SPOCK3: variants seen among roughly 807,000 people sequenced by gnomAD.
SPOCK3 encodes the protein testican-3.
In SPOCK3, 30 loss-of-function variants were observed where a neutral mutation model predicts 56.6. The ratio of observed to expected loss-of-function variants is 0.53; its 90% CI spans 0.40 to 0.72. The LOEUF is 0.72. Ranked by LOEUF, SPOCK3 falls within the 30% of genes least tolerant of loss-of-function variation. SPOCK3 has a pLI of 0.00. For synonymous variants in SPOCK3, 196 were observed against 183.3 expected (o/e 1.07, Z -0.56); for missense variants, 527 against 530.0 (o/e 0.99, Z 0.06).
Position 167,173,871 on chromosome 4 carries a change from T to C in SPOCK3, c.189+60114A>G, listed in dbSNP as rs190727319. Among the ~76,000 whole-genome samples, 291 of 152,272 alleles carry C rather than the reference T, an allele frequency of 1.9e-3. 1 individual carries two copies. The highest frequency in any genetic ancestry group is 6.1e-3 in the African/African-American group (253 of 41,566). ...CTGAAACAGAGAATCCCTGGATTCATAGGGCCCTATAGGCCTGAGGGTTTC... is the reference window on the plus strand; with the variant it reads ...CTGAAACAGAGAATCCCTGGATTCACAGGGCCCTATAGGCCTGAGGGTTTC... On this transcript the variant is annotated intron_variant, in intron 2 of 10. Coordinates refer to ENST00000357545, the MANE Select transcript of SPOCK3 (RefSeq NM_001040159.2).
chr4:166,963,499 C>CACCGTA (rs11281371), intron 4 of SPOCK3, among the ~76,000 whole-genome samples: 8,445 of 151,808 alleles, frequency 0.056, 757 homozygotes, highest in African/African-American at 0.19. Flanking sequence ...TTAGTGTTAG[C>CACCGTA]ACCGTAACAC....
At chr4:167,121,104 A>T (rs184798159) in intron 2 of SPOCK3, among the ~76,000 whole-genome samples, 2 of 151,700 alleles carry the variant, frequency 1.3e-5, no homozygotes, top group African/African-American at 2.4e-5. Flanking sequence ...TGTTTTTTTA[A>T]ATCTATTTAA....
At chr4:167,133,874 G>C (rs751602736) in intron 2 of SPOCK3, among the ~76,000 whole-genome samples, 13 of 152,072 alleles carry the variant, frequency 8.5e-5, no homozygotes, top group Non-Finnish European at 1.5e-4. Flanking sequence ...AATCACTTGA[G>C]AGTATTAGGC....
intron 6 of SPOCK3, among the ~76,000 whole-genome samples, chr4:166,813,780 TCAGA>T (rs1430763941): frequency 2.6e-5 from 4 of 151,992 alleles, no homozygotes; most frequent in South Asian, 2.1e-4. Context: ...ACTCATATTC[TCAGA>T]CAGAGAAGGT....
chr4:167,055,219 A>ATTT (rs1463990820), intron 3 of SPOCK3, among the ~76,000 whole-genome samples: 3 of 152,316 alleles, frequency 2.0e-5, no homozygotes, highest in Admixed American at 6.5e-5. Flanking sequence ...ATTCAGTGAA[A>ATTT]AATATGGTAA....
At chr4:167,066,866 C>G (rs1471487876) in intron 2 of SPOCK3, among the ~76,000 whole-genome samples, 1 of 151,832 alleles carries the variant, frequency 6.6e-6, no homozygotes, top group Non-Finnish European at 1.5e-5. Context: ...AAGCTAGTTT[C>G]CTGTTCCAAT....
chr4:166,840,748 A>G (rs1747151410), intron 6 of SPOCK3, among the ~76,000 whole-genome samples: 1 of 144,432 alleles, frequency 6.9e-6, no homozygotes, highest in Admixed American at 6.9e-5. Context: ...AGCTATGTCT[A>G]ATTCATCTTC....
intron 2 of SPOCK3, among the ~76,000 whole-genome samples, chr4:167,180,869 G>A (rs1731395496): frequency 6.6e-6 from 1 of 152,098 alleles, no homozygotes; most frequent in Admixed American, 6.6e-5. Flanking sequence ...CCGATGAGGT[G>A]ATAATAAGTA....
At chr4:166,880,534 A>T (rs533017857) in intron 6 of SPOCK3, among the ~76,000 whole-genome samples, 81 of 152,314 alleles carry the variant, frequency 5.3e-4, no homozygotes, top group African/African-American at 1.8e-3. Flanking sequence ...TTAGATGTGT[A>T]AAGGCAAATG....
At chr4:167,000,524 C>T (rs2150127825) in intron 3 of SPOCK3, 61 bp from the exon 4 acceptor site, 2 of 771,152 alleles carry the variant, frequency 2.6e-6, no homozygotes, top group African/African-American at 3.5e-5. Context: ...TATCAAATCC[C>T]ATCAAACACA....
chr4:166,952,322 TC>T, intron 4 of SPOCK3, among the ~76,000 whole-genome samples: 1 of 152,226 alleles, frequency 6.6e-6, no homozygotes, highest in East Asian at 1.9e-4. Context: ...GTGAGTGAAC[TC>T]CCATTCACAA....
intron 2 of SPOCK3, among the ~76,000 whole-genome samples, chr4:167,180,048 G>A (rs942845082): frequency 6.6e-6 from 1 of 152,164 alleles, no homozygotes; most frequent in African/African-American, 2.4e-5. Context: ...AGTGAAAGGG[G>A]TGTAGTTTAC....
In SPOCK3 at chr4:167,193,480, AATT is replaced by A. The variant is rs1286202868; in HGVS notation, c.189+40502_189+40504del. ...TTTTTATATCATGCACCAATTAATA[AATT>A]ATCATAGCTATAGTTAGTTTAATAC... On this transcript the variant is annotated intron_variant, in intron 2 of 10. Transcript: ENST00000357545. 5.1e-4 allele frequency among the ~76,000 whole-genome samples: 74 copies of A among 145,912 alleles called. 15 individuals are homozygous for A. The highest frequency in any genetic ancestry group is 1.9e-3 in the African/African-American group (72 of 38,190).
At chr4:166,869,988 G>A (rs1043393159) in intron 6 of SPOCK3, among the ~76,000 whole-genome samples, 5 of 152,084 alleles carry the variant, frequency 3.3e-5, no homozygotes, top group African/African-American at 1.2e-4. Context: ...TTTACAGTTT[G>A]TCCTCTAGGA....
At chr4:167,066,965 C>G (rs964868378) in intron 2 of SPOCK3, among the ~76,000 whole-genome samples, 3 of 151,716 alleles carry the variant, frequency 2.0e-5, no homozygotes, top group Non-Finnish European at 4.4e-5. Context: ...CATTTGTGTC[C>G]ACACAGCTAC....
At chr4:167,017,319 G>T (rs1462166569) in intron 3 of SPOCK3, among the ~76,000 whole-genome samples, 1 of 152,040 alleles carries the variant, frequency 6.6e-6, no homozygotes, top group Non-Finnish European at 1.5e-5. Context: ...TAATAACCTT[G>T]GGAGGAGAGC....
At chr4:166,997,451 C>T (rs1012247822) in intron 4 of SPOCK3, among the ~76,000 whole-genome samples, 3 of 152,098 alleles carry the variant, frequency 2.0e-5, no homozygotes, top group Admixed American at 6.6e-5. Flanking sequence ...AGCAAATATA[C>T]GCAAAGCACT....
At chr4:166,989,996 A>G (rs1345788965) in intron 4 of SPOCK3, among the ~76,000 whole-genome samples, 1 of 152,162 alleles carries the variant, frequency 6.6e-6, no homozygotes, top group African/African-American at 2.4e-5. Context: ...CCCATATCTT[A>G]ACCATCTGAA....
At chr4:167,148,036 C>CT (rs1764119036) in intron 2 of SPOCK3, among the ~76,000 whole-genome samples, 2 of 152,122 alleles carry the variant, frequency 1.3e-5, no homozygotes, top group South Asian at 4.2e-4. Flanking sequence ...AAAATGACCT[C>CT]TGTAACCAGC....
Sources: gnomAD v4.1 joint callset for allele counts (sites outside exome capture counted in the v4.1 genomes callset) on GRCh38, gnomAD v4.1.1 for gene constraint, MANE v1.5 for transcripts, NCBI Gene and HGNC (gene_info 2026-07-23, HGNC 2026-07-21) for gene names.